PLCL1: variants seen among roughly 807,000 people sequenced by gnomAD.
PLCL1 encodes the protein phospholipase C like 1 (inactive).
PLCL1 carries 41 observed loss-of-function variants against 84.4 expected under a neutral mutation model. That is an observed-to-expected ratio of 0.49 (90% CI 0.38 to 0.63). The LOEUF is 0.63. PLCL1 is among the 30% of genes least tolerant of loss of function. The probability of loss-of-function intolerance (pLI) is 0.00; values close to 1 mark genes in which losing one functional copy is unlikely to be tolerated. For missense variants in PLCL1, 1,206 were observed against 1,367.8 expected, an observed-to-expected ratio of 0.88 and a Z score of 1.87; for synonymous variants, 490 against 488.3, an observed-to-expected ratio of 1.00 and a Z score of -0.05.
chr2:197,979,256 G>T (rs1381742665), intron 1 of PLCL1, among the ~76,000 whole-genome samples: 4 of 152,124 alleles, frequency 2.6e-5, no homozygotes, highest in Admixed American at 2.0e-4. Flanking sequence ...TGTTCCCGTG[G>T]TTATTTTGTC....
rs147231398 is a variant in PLCL1, at chr2:197,951,830, T to G, written c.241-131928T>G. ...CTCTGAACTGGTTGCTTGTGGGACG[T>G]GACTGAGGAACATGAACTTGTGTTG... On this transcript the variant is annotated intron_variant, in intron 1 of 5. Coordinates refer to ENST00000428675, the MANE Select transcript of PLCL1 (RefSeq NM_006226.4). Among the ~76,000 whole-genome samples the G allele has an allele frequency of 9.7e-4, 147 of 152,224 alleles. 1 individual carries two copies. Among genetic ancestry groups the G allele is most frequent in the African/African-American group, 3.3e-3 (138 of 41,552 alleles).
At chr2:198,143,517 G>A (rs1272550843) in intron 5 of PLCL1, among the ~76,000 whole-genome samples, 1 of 152,186 alleles carries the variant, frequency 6.6e-6, no homozygotes, top group Admixed American at 6.5e-5. Flanking sequence ...GTATAAGCTG[G>A]CTGGTTAAGA....
chr2:198,053,200 T>G (rs1285009735), intron 1 of PLCL1, among the ~76,000 whole-genome samples: 1 of 152,218 alleles, frequency 6.6e-6, no homozygotes, highest in African/African-American at 2.4e-5. Flanking sequence ...GAATTTATCT[T>G]ATGAACTAAT....
Position 198,031,384 on chromosome 2 carries a change from A to G in PLCL1, c.241-52374A>G, listed in dbSNP as rs117770963. 2.1e-4 allele frequency among the ~76,000 whole-genome samples: 32 copies of G among 152,008 alleles called. No homozygotes were observed. In the East Asian group the frequency reaches 5.6e-3, roughly 27 times the overall value. Reference sequence around the variant, plus strand: ...GGCCCCGTGTCTTTATATATATATAATATATAATGTTTTCTAACTTTTGTG... The same window carrying G: ...GGCCCCGTGTCTTTATATATATATAGTATATAATGTTTTCTAACTTTTGTG... On this transcript the variant is annotated intron_variant, in intron 1 of 5. Transcript: ENST00000428675.
chr2:198,014,009 A>G (rs960497793), intron 1 of PLCL1, among the ~76,000 whole-genome samples: 1 of 152,030 alleles, frequency 6.6e-6, no homozygotes, highest in Non-Finnish European at 1.5e-5. Flanking sequence ...GCCTGTTTCA[A>G]CCTGTGTGTC....
At chr2:198,080,491 G>A (rs558027129) in intron 1 of PLCL1, among the ~76,000 whole-genome samples, 2 of 152,122 alleles carry the variant, frequency 1.3e-5, no homozygotes, top group African/African-American at 2.4e-5. Context: ...ATTTGGAGTC[G>A]TCCACCCTTC....
Position 198,069,857 on chromosome 2 carries a change from G to C in PLCL1, c.241-13901G>C, listed in dbSNP as rs768516125. Among the ~76,000 whole-genome samples the C allele has an allele frequency of 1.4e-4, 22 of 152,144 alleles. 1 individual carries two copies. Among genetic ancestry groups the C allele is most frequent in the Non-Finnish European group, 2.6e-4 (18 of 68,020 alleles). On this transcript the variant is annotated intron_variant, in intron 1 of 5. Coordinates refer to ENST00000428675, the MANE Select transcript of PLCL1 (RefSeq NM_006226.4). ...AGAGTATTTTAAGTGGCAGAGATGG[G>C]CAGAAATTATTTTGTGGAGTGAGAT...
At chr2:198,010,461 C>T (rs1223019114) in intron 1 of PLCL1, among the ~76,000 whole-genome samples, 1 of 151,892 alleles carries the variant, frequency 6.6e-6, no homozygotes, top group East Asian at 1.9e-4. Flanking sequence ...TTGGTTATTA[C>T]ATTGGTTAAT....
chr2:197,836,591 G>A (rs924696342), intron 1 of PLCL1, among the ~76,000 whole-genome samples: 2 of 151,892 alleles, frequency 1.3e-5, no homozygotes, highest in Admixed American at 1.3e-4. Flanking sequence ...GTTAAAACAG[G>A]TCTTCTGTAT....
chr2:197,927,845 CCAAA>C (rs1296586198), intron 1 of PLCL1, among the ~76,000 whole-genome samples: 2 of 152,004 alleles, frequency 1.3e-5, no homozygotes, highest in African/African-American at 2.4e-5. Flanking sequence ...CAGGAATAAC[CCAAA>C]CAGACACTGA....
chr2:198,103,851 A>T lies in PLCL1; in HGVS notation c.3020A>T (p.His1007Leu). ...KAGMEFHEEL[H>L]NLGAKEGLKG... The stretch of plus-strand genomic sequence containing the variant: ...GGGATGGAGTTCCATGAAGAACTTC[A>T]TAATTTGGGGGCAAAAGAAGGCTTG... Residue 1007 changes from histidine to leucine, a missense_variant, in exon 5 of 6, where the codon CAT becomes CTT. By Grantham distance (99) the His-to-Leu change is moderately conservative. Transcript: ENST00000428675. 6.2e-7 allele frequency: 1 copy of T among 1,604,720 alleles called. No individual in the cohort carries two copies. The highest frequency in any genetic ancestry group is 8.5e-7 in the Non-Finnish European group (1 of 1,174,624).
At chr2:198,070,007 C>T (rs144849027) in intron 1 of PLCL1, among the ~76,000 whole-genome samples, 63 of 151,908 alleles carry the variant, frequency 4.1e-4, no homozygotes, top group African/African-American at 1.4e-3. Context: ...TGTTGCGGGG[C>T]GGAATGCAAA....
At chr2:198,051,964 C>A (rs1691942709) in intron 1 of PLCL1, among the ~76,000 whole-genome samples, 1 of 151,818 alleles carries the variant, frequency 6.6e-6, no homozygotes, top group South Asian at 2.1e-4. Flanking sequence ...GGCTGGAGTG[C>A]AATGGCGTGA....
chr2:197,862,148 T>G (rs2105694684), intron 1 of PLCL1, among the ~76,000 whole-genome samples: 1 of 152,294 alleles, frequency 6.6e-6, no homozygotes, highest in African/African-American at 2.4e-5. Flanking sequence ...AGATAGCATC[T>G]ATAACTTTTA....
At chr2:197,826,014 A>G (rs1421633893) in intron 1 of PLCL1, among the ~76,000 whole-genome samples, 1 of 152,202 alleles carries the variant, frequency 6.6e-6, no homozygotes, top group Non-Finnish European at 1.5e-5. Context: ...AATTCACTAC[A>G]TAATTTTACG....
At chr2:198,027,019 A>T (rs114375766) in intron 1 of PLCL1, among the ~76,000 whole-genome samples, 1 of 152,316 alleles carries the variant, frequency 6.6e-6, no homozygotes, top group African/African-American at 2.4e-5. Flanking sequence ...TATTGGGTGT[A>T]TATCCAAAGG....
At chr2:198,080,058 T>C (rs1224496202) in intron 1 of PLCL1, among the ~76,000 whole-genome samples, 1 of 152,224 alleles carries the variant, frequency 6.6e-6, no homozygotes, top group Non-Finnish European at 1.5e-5. Flanking sequence ...TGAAATAAGC[T>C]GAAAGACCTT....
At chr2:198,009,017 G>T (rs1690802327) in intron 1 of PLCL1, among the ~76,000 whole-genome samples, 1 of 151,906 alleles carries the variant, frequency 6.6e-6, no homozygotes, top group African/African-American at 2.4e-5. Flanking sequence ...AGAAATGTCA[G>T]TTTAAGTTCT....
At chr2:197,857,276 C>T (rs1209067011) in intron 1 of PLCL1, among the ~76,000 whole-genome samples, 1 of 152,052 alleles carries the variant, frequency 6.6e-6, no homozygotes, top group Non-Finnish European at 1.5e-5. Flanking sequence ...CTGAACCCTT[C>T]CTGCATTCTT....
Sources: gnomAD v4.1 joint callset for allele counts (sites outside exome capture counted in the v4.1 genomes callset) on GRCh38, gnomAD v4.1.1 for gene constraint, MANE v1.5 for transcripts, NCBI Gene and HGNC (gene_info 2026-07-23, HGNC 2026-07-21) for gene names.